Variants in SAMMSON observed in about 807,000 individuals in gnomAD.
The protein encoded by SAMMSON is long intergenic non-protein coding RNA 1212.
At chr3:70,004,918 C>T (rs2066920174) in intron 1 of SAMMSON, among the ~76,000 whole-genome samples, 1 of 152,176 alleles carries the variant, frequency 6.6e-6, no homozygotes. Flanking sequence ...CCCACTTAGC[C>T]ACTTTTTTTC....
intron 4 of SAMMSON, among the ~76,000 whole-genome samples, chr3:70,210,104 G>T (rs1403250472): frequency 6.6e-6 from 1 of 152,064 alleles, no homozygotes; most frequent in Non-Finnish European, 1.5e-5. Flanking sequence ...AAAAAAAGTT[G>T]GATAGAGGTT....
At chr3:70,204,589 G>C (rs1259803454) in intron 4 of SAMMSON, 1 of 152,044 alleles carries the variant, frequency 6.6e-6, no homozygotes, top group Non-Finnish European at 1.5e-5. Context: ...TCTTGGAAAT[G>C]ACCTAATTTA....
intron 6 of SAMMSON, among the ~76,000 whole-genome samples, chr3:70,284,473 C>A (rs905523526): frequency 6.6e-6 from 1 of 152,046 alleles, no homozygotes; most frequent in Non-Finnish European, 1.5e-5. Flanking sequence ...CATTTACTCA[C>A]ACAGCAAAGA....
downstream of SAMMSON, among the ~76,000 whole-genome samples, chr3:70,393,997 G>A (rs1264128943): frequency 1.3e-5 from 2 of 152,158 alleles, no homozygotes; most frequent in Admixed American, 6.5e-5. Flanking sequence ...TCAGACAAGA[G>A]GCTCTTTCCA....
chr3:70,276,985 T>G (rs558188533), intron 6 of SAMMSON, among the ~76,000 whole-genome samples: 1 of 152,194 alleles, frequency 6.6e-6, no homozygotes, highest in African/African-American at 2.4e-5. Flanking sequence ...TTTTTATTCT[T>G]TCTTAAGGAA....
chr3:70,299,572 C>T (rs1181773197), intron 7 of SAMMSON, among the ~76,000 whole-genome samples: 1 of 152,132 alleles, frequency 6.6e-6, no homozygotes, highest in Admixed American at 6.6e-5. Flanking sequence ...ATGGCCAAGG[C>T]TCGTTGGAGT....
At chr3:70,384,015 T>C (rs1417919485) in intron 9 of SAMMSON, among the ~76,000 whole-genome samples, 1 of 151,802 alleles carries the variant, frequency 6.6e-6, no homozygotes, top group Non-Finnish European at 1.5e-5. Context: ...GGGAGTGAAA[T>C]GACCAACAAA....
chr3:70,038,063 G>T (rs1471922450), intron 3 of SAMMSON, among the ~76,000 whole-genome samples: 1 of 152,172 alleles, frequency 6.6e-6, no homozygotes, highest in African/African-American at 2.4e-5. Context: ...ATTTGTGATG[G>T]TTTTTTGTTA....
intron 6 of SAMMSON, among the ~76,000 whole-genome samples, chr3:70,279,603 A>G (rs1422236016): frequency 2.6e-5 from 4 of 152,144 alleles, no homozygotes; most frequent in Non-Finnish European, 4.4e-5. Flanking sequence ...ATCTGGGTTG[A>G]AGGCTCAGAT....
intron 7 of SAMMSON, among the ~76,000 whole-genome samples, chr3:70,330,642 A>G (rs1702616068): frequency 6.6e-6 from 1 of 152,084 alleles, no homozygotes; most frequent in African/African-American, 2.4e-5. Flanking sequence ...CTATAATATT[A>G]TGCTATTTGA....
At chr3:70,383,341 T>TAAAAAAA (rs1463605579) in intron 9 of SAMMSON, among the ~76,000 whole-genome samples, 1 of 99,524 alleles carries the variant, frequency 1.0e-5, no homozygotes, top group African/African-American at 3.8e-5. Context: ...TCCCTTAAAA[T>TAAAAAAA]AAAAATAAAA....
At chr3:70,046,393 A>G (rs539203929) in intron 3 of SAMMSON, among the ~76,000 whole-genome samples, 342 of 152,236 alleles carry the variant, frequency 2.2e-3, no homozygotes, top group African/African-American at 8.0e-3. Context: ...AATCATTTTA[A>G]TCCATGAATG....
At chr3:70,331,256 T>C (rs1702619475) in intron 7 of SAMMSON, among the ~76,000 whole-genome samples, 1 of 152,196 alleles carries the variant, frequency 6.6e-6, no homozygotes, top group South Asian at 2.1e-4. Flanking sequence ...CCTGCCGATG[T>C]CAACCCACCT....
chr3:70,357,901 T>G (rs1248030136), intron 8 of SAMMSON, among the ~76,000 whole-genome samples: 1 of 152,032 alleles, frequency 6.6e-6, no homozygotes, highest in Non-Finnish European at 1.5e-5. Flanking sequence ...GAAAACTGAG[T>G]ATAAAGGATG....
intron 2 of SAMMSON, among the ~76,000 whole-genome samples, chr3:70,422,333 A>G (rs1404878679): frequency 6.6e-6 from 1 of 152,052 alleles, no homozygotes; most frequent in African/African-American, 2.4e-5. Flanking sequence ...TTTAGAATCT[A>G]AGAAGAGTGT....
intron 6 of SAMMSON, among the ~76,000 whole-genome samples, chr3:70,282,007 A>G (rs1184117608): frequency 2.0e-5 from 3 of 152,272 alleles, no homozygotes; most frequent in Admixed American, 6.5e-5. Flanking sequence ...CAGACACATT[A>G]CCAGAACACC....
At chr3:70,000,073 C>T (rs1353554660) in intron 1 of SAMMSON, among the ~76,000 whole-genome samples, 1 of 152,156 alleles carries the variant, frequency 6.6e-6, no homozygotes, top group African/African-American at 2.4e-5. Flanking sequence ...GCCCTCTGTC[C>T]TTGCGATAAG....
At chr3:70,345,969 T>C (rs1702747447) in intron 7 of SAMMSON, among the ~76,000 whole-genome samples, 2 of 152,208 alleles carry the variant, frequency 1.3e-5, no homozygotes, top group African/African-American at 4.8e-5. Context: ...CATGGACATA[T>C]GTTTTCAAAT....
At chr3:70,242,291 A>G (rs954174109) in intron 4 of SAMMSON, among the ~76,000 whole-genome samples, 1 of 152,292 alleles carries the variant, frequency 6.6e-6, no homozygotes, top group African/African-American at 2.4e-5. Context: ...ATCTCTTTGG[A>G]AATGGTGGGA....
Sources: gnomAD v4.1 joint callset for allele counts (sites outside exome capture counted in the v4.1 genomes callset) on GRCh38, gnomAD v4.1.1 for gene constraint, MANE v1.5 for transcripts, NCBI Gene and HGNC (gene_info 2026-07-23, HGNC 2026-07-21) for gene names.